NXN: variants seen among roughly 807,000 people sequenced by gnomAD.
NXN encodes nucleoredoxin.
NXN carries 16 observed loss-of-function variants against 48.6 expected under a neutral mutation model. The ratio of observed to expected loss-of-function variants is 0.33; its 90% CI spans 0.22 to 0.50. NXN has a LOEUF of 0.50. Ranked by LOEUF, NXN falls within the 20% of genes least tolerant of loss-of-function variation. The pLI is 0.98. For missense variants in NXN, 492 were observed against 605.5 expected (o/e 0.81, Z 1.97); for synonymous variants, 281 against 269.6 (o/e 1.04, Z -0.41).
rs533943008 is a variant in NXN at position 920,980 on chromosome 17, C to T, written c.360+58339G>A. The stretch of plus-strand genomic sequence containing the variant: ...TCAAGTGATCCTCCCACCTTGGCCC[C>T]CAAAAGTCCTGGATGACAGGTGTGA... On this transcript the variant is annotated intron_variant, in intron 1 of 7. Coordinates refer to ENST00000336868, the MANE Select transcript of NXN (RefSeq NM_022463.5). This position sits in a 1 kb window ranked among gnomAD's most constrained non-coding sequence, Gnocchi z 4.6. 6.6e-6 allele frequency among the ~76,000 whole-genome samples: 1 copy of T among 152,268 alleles called. No homozygotes were observed. The highest frequency in any genetic ancestry group is 6.5e-5 in the Admixed American group (1 of 15,284).
intron 1 of NXN, among the ~76,000 whole-genome samples, chr17:890,456 C>T (rs961473987): frequency 9.2e-5 from 14 of 152,124 alleles, no homozygotes; most frequent in Non-Finnish European, 1.8e-4. Flanking sequence ...TCACTGCAAG[C>T]TCCACCTCCC....
chr17:902,831 T>A (rs589781), intron 1 of NXN, among the ~76,000 whole-genome samples: 126,858 of 150,270 alleles, frequency 0.84, 53,860 homozygotes, highest in Middle Eastern at 0.92. Flanking sequence ...CAGGCTGGAG[T>A]GCAATGGCGC....
intron 1 of NXN, among the ~76,000 whole-genome samples, chr17:889,917 C>T (rs534181282): frequency 6.6e-6 from 1 of 152,080 alleles, no homozygotes; most frequent in East Asian, 1.9e-4. Context: ...GTTTTCCCTT[C>T]GCTCCCCCAA....
chr17:849,209 A>G lies in NXN; in HGVS notation c.361-23131T>C, dbSNP rs1375520571. Among the ~76,000 whole-genome samples the G allele has an allele frequency of 6.6e-6, 1 of 152,082 alleles. No individual in the cohort carries two copies. The highest frequency in any genetic ancestry group is 1.5e-5 in the Non-Finnish European group (1 of 68,000). ...ATCACGCTCTCTCCTGGAAGTTCAG[A>G]AAGTGGATACAAAGACGGATTCACT... is the stretch of plus-strand genomic sequence containing the variant. On this transcript the variant is annotated intron_variant, in intron 1 of 7. Coordinates refer to ENST00000336868, the MANE Select transcript of NXN (RefSeq NM_022463.5). The surrounding 1 kb of genome is among the most constrained non-coding windows in gnomAD (Gnocchi z 4.2).
At chr17:928,598 A>G (rs1309438401) in intron 1 of NXN, among the ~76,000 whole-genome samples, 1 of 152,204 alleles carries the variant, frequency 6.6e-6, no homozygotes, top group Non-Finnish European at 1.5e-5. Flanking sequence ...TACTTTGGGA[A>G]GCGGAGACAA....
At chr17:923,350 G>C (rs1486847150) in intron 1 of NXN, among the ~76,000 whole-genome samples, 1 of 151,924 alleles carries the variant, frequency 6.6e-6, no homozygotes, top group Admixed American at 6.6e-5. Context: ...GCAAGACCCC[G>C]CTTTACACCA....
intron 1 of NXN, among the ~76,000 whole-genome samples, chr17:922,021 C>T (rs1037017622): frequency 3.3e-5 from 5 of 152,206 alleles, no homozygotes; most frequent in Non-Finnish European, 7.3e-5. Flanking sequence ...ACCCAGCTCC[C>T]CACATCAACC....
chr17:805,276 T>C, intron 5 of NXN, 29 bp from the exon 6 acceptor site: 1 of 1,588,352 alleles, frequency 6.3e-7, no homozygotes, highest in South Asian at 1.1e-5. Context: ...GCTTGGCCGC[T>C]GGCCCGGGAG....
intron 1 of NXN, chr17:864,253 A>C: frequency 1.7e-6 from 2 of 1,165,860 alleles, no homozygotes; most frequent in Non-Finnish European, 2.4e-6. Flanking sequence ...GTAGGTCTGA[A>C]ATTTCCCAAG....
intron 1 of NXN, among the ~76,000 whole-genome samples, chr17:859,546 T>C (rs144226882): frequency 6.5e-4 from 99 of 152,274 alleles, no homozygotes; most frequent in African/African-American, 2.2e-3. Context: ...TAGGACCAGA[T>C]AATCTTGTAT....
rs1187715879 is a variant in NXN at position 979,326 on chromosome 17, T to G, written c.353A>C (p.His118Pro). 3.4e-6 allele frequency: 5 copies of G among 1,485,996 alleles called. No homozygotes were observed. The highest frequency in any genetic ancestry group is 4.5e-6 in the Non-Finnish European group (5 of 1,121,196). The allele number at this position is 1,485,996 out of a possible 1,614,324, so 92.1% of individuals were successfully genotyped here. Reference sequence around the variant, plus strand: ...GAGGCCCGCGCCGCTCACCTTCCTGTGCTTCTCCTTGTAGGGCAGCGCCAG... The same window carrying G: ...GAGGCCCGCGCCGCTCACCTTCCTGGGCTTCTCCTTGTAGGGCAGCGCCAG... ...PWLALPYKEK[H>P]RKLKLWNKYR... is the part of the protein sequence containing the mutation. Residue 118 changes from histidine to proline, a missense_variant, in exon 1 of 8, where the codon CAC becomes CCC. This residue lies in a region of NXN where 186 missense variants were observed against 199.1 expected (regional missense o/e 0.93). Transcript: ENST00000336868.
chr17:841,573 G>GCGC (rs1914278336), intron 1 of NXN, among the ~76,000 whole-genome samples: 2 of 128,622 alleles, frequency 1.6e-5, no homozygotes, highest in South Asian at 2.5e-4. Flanking sequence ...CCTGACCACG[G>GCGC]AGCATCTCAC....
At chr17:902,692 C>A (rs899631199) in intron 1 of NXN, among the ~76,000 whole-genome samples, 1 of 151,778 alleles carries the variant, frequency 6.6e-6, no homozygotes, top group Non-Finnish European at 1.5e-5. Context: ...CATCATCAGC[C>A]CCTCCCATCA....
At chr17:973,047 A>AG (rs751017360) in intron 1 of NXN, among the ~76,000 whole-genome samples, 38 of 150,060 alleles carry the variant, frequency 2.5e-4, no homozygotes, top group African/African-American at 5.9e-4. Context: ...AAAAAAAAAA[A>AG]GGTAGAATCA....
chr17:923,509 C>A (rs576309653), intron 1 of NXN, among the ~76,000 whole-genome samples: 1 of 152,198 alleles, frequency 6.6e-6, no homozygotes, highest in East Asian at 1.9e-4. Context: ...CACAGCGAGA[C>A]CGTGTCTCAA....
chr17:900,759 T>C (rs2068529664), intron 1 of NXN, among the ~76,000 whole-genome samples: 1 of 152,102 alleles, frequency 6.6e-6, no homozygotes, highest in Non-Finnish European at 1.5e-5. Flanking sequence ...TACCTTTTTT[T>C]CTCTTCATGG....
At chr17:971,311 T>C (rs2069375411) in intron 1 of NXN, among the ~76,000 whole-genome samples, 1 of 152,168 alleles carries the variant, frequency 6.6e-6, no homozygotes, top group Non-Finnish European at 1.5e-5. Context: ...TTTTCCTATT[T>C]TTGAGCACAG....
chr17:818,469 A>G (rs1256414059), intron 5 of NXN, among the ~76,000 whole-genome samples: 1 of 152,174 alleles, frequency 6.6e-6, no homozygotes, highest in Non-Finnish European at 1.5e-5. Flanking sequence ...AAGGAAACTG[A>G]GGCCCAAAGA....
chr17:882,069 G>C (rs2068290450), intron 1 of NXN, among the ~76,000 whole-genome samples: 1 of 152,082 alleles, frequency 6.6e-6, no homozygotes, highest in South Asian at 2.1e-4. Flanking sequence ...GGGTCCTTAA[G>C]AACCATGAAT....
Sources: gnomAD v4.1 joint callset for allele counts (sites outside exome capture counted in the v4.1 genomes callset) on GRCh38, gnomAD v4.1.1 for gene constraint, gnomAD v4.1.1 regional missense constraint, Gnocchi (gnomAD v3.1) non-coding constraint, MANE v1.5 for transcripts, NCBI Gene and HGNC (gene_info 2026-07-23, HGNC 2026-07-21) for gene names.